The following EXT1 variants were observed in gnomAD, a reference collection of about 807,000 sequenced individuals.
EXT1 encodes the protein exostosin-1.
A neutral mutation model predicts 82.5 loss-of-function variants in EXT1; 20 were observed. The observed-to-expected ratio is 0.24, with a 90% confidence interval of 0.17 to 0.35. EXT1 has a LOEUF of 0.35. EXT1 is among the 10% of genes least tolerant of loss of function. The probability of loss-of-function intolerance (pLI) is 1.00; values close to 1 mark genes in which losing one functional copy is unlikely to be tolerated. For missense variants in EXT1, 757 were observed against 936.5 expected, an observed-to-expected ratio of 0.81 and a Z score of 2.50; for synonymous variants, 348 against 350.8, an observed-to-expected ratio of 0.99 and a Z score of 0.09.
intron 1 of EXT1, among the ~76,000 whole-genome samples, chr8:117,960,029 G>A (rs963234914): frequency 6.6e-6 from 1 of 152,088 alleles, no homozygotes; most frequent in Non-Finnish European, 1.5e-5. Context: ...TGACCAACAT[G>A]GTGAAAACCC....
chr8:117,843,700 A>G (rs139405418), intron 1 of EXT1, among the ~76,000 whole-genome samples: 2 of 152,242 alleles, frequency 1.3e-5, no homozygotes, highest in African/African-American at 4.8e-5. Flanking sequence ...CAGAAGAATG[A>G]CATGGTACCA....
At chr8:117,969,491 G>A (rs916185547) in intron 1 of EXT1, among the ~76,000 whole-genome samples, 4 of 152,176 alleles carry the variant, frequency 2.6e-5, no homozygotes, top group African/African-American at 9.7e-5. Flanking sequence ...TCCCAGAGAC[G>A]CAAATTCTCT....
At chr8:117,857,658 C>T (rs1248405202) in intron 1 of EXT1, among the ~76,000 whole-genome samples, 1 of 152,056 alleles carries the variant, frequency 6.6e-6, no homozygotes, top group Non-Finnish European at 1.5e-5. Flanking sequence ...TATGACAGCA[C>T]CACTGCACTC....
At position 118,111,030 on chromosome 8, in the gene EXT1, C is replaced by G. The variant is rs200815125; in HGVS notation, c.17G>C (p.Arg6Pro). The stretch of plus-strand genomic sequence containing the variant: ...GCCAGCTGAGAGCAGGATGAAATAG[C>G]GTTTTTTGGCCTGCATGTGTCCTGC... The part of the protein sequence containing the change: MQAKK[R>P]YFILLSAGSC... The change falls in exon 1 of 11, where the codon CGC becomes CCC. Residue 6 changes from arginine to proline, a missense_variant. By Grantham distance (103) the Arg-to-Pro change is moderately radical. This residue lies in a region of EXT1 where 175 missense variants were observed against 159.0 expected (regional missense o/e 1.10). Transcript: ENST00000378204. 6 of 1,598,248 alleles carry G rather than the reference C, an allele frequency of 3.8e-6. No individual in the cohort carries two copies. The highest frequency in any genetic ancestry group is 4.2e-6 in the Non-Finnish European group (5 of 1,178,278).
At position 117,887,860 on chromosome 8, in the gene EXT1, C is replaced by T. The variant is rs952146455; in HGVS notation, c.963-50659G>A. Among the ~76,000 whole-genome samples the T allele has an allele frequency of 6.6e-5, 10 of 151,766 alleles. No homozygotes were observed. In the South Asian group the frequency reaches 1.0e-3, roughly 16 times the overall value. ...CAGCACTTTGGGAGTCTGAGGCGGG[C>T]GTATCACCTGAGCTCGGGAGTTTGA... is the stretch of plus-strand genomic sequence containing the variant. On this transcript the variant is annotated intron_variant, in intron 1 of 10. Coordinates refer to ENST00000378204, the MANE Select transcript of EXT1 (RefSeq NM_000127.3).
chr8:118,014,760 C>T (rs530411797), intron 1 of EXT1, among the ~76,000 whole-genome samples: 46 of 152,176 alleles, frequency 3.0e-4, no homozygotes, highest in African/African-American at 1.0e-3. Context: ...CTAACAAACT[C>T]CTCGTGTGGT....
At chr8:117,839,075 G>A (rs952382140) in intron 1 of EXT1, among the ~76,000 whole-genome samples, 2 of 152,174 alleles carry the variant, frequency 1.3e-5, no homozygotes, top group Admixed American at 6.5e-5. Context: ...TCAAATGACA[G>A]TTATAGTGGG....
chr8:118,071,807 A>T (rs889202101), intron 1 of EXT1, among the ~76,000 whole-genome samples: 7 of 152,164 alleles, frequency 4.6e-5, no homozygotes, highest in African/African-American at 1.4e-4. Context: ...GAATATGATA[A>T]TGATATTGTT....
intron 1 of EXT1, among the ~76,000 whole-genome samples, chr8:117,900,732 T>G (rs1340225279): frequency 6.6e-6 from 1 of 152,240 alleles, no homozygotes; most frequent in Non-Finnish European, 1.5e-5. Context: ...CTAAGCCCTC[T>G]GCTCTCACAA....
At position 118,111,162 on chromosome 8, in the gene EXT1, C is replaced by T. The variant is rs1480531526; in HGVS notation, c.-116G>A. The T allele has an allele frequency of 7.1e-6, 10 of 1,411,338 alleles. No homozygotes were observed. Among genetic ancestry groups the T allele is most frequent in the East Asian group, 2.5e-5 (1 of 40,344 alleles). 87.4% of individuals were successfully genotyped at this position (1,411,338 alleles called of 1,614,324 possible). ...CCGCCTGTAAAGACTTCAAACTCTC[C>T]GCTCCCACCTTCTCTGGATGCCTTT... On this transcript the variant is annotated 5_prime_UTR_variant, in exon 1 of 11. Transcript: ENST00000378204.
intron 1 of EXT1, among the ~76,000 whole-genome samples, chr8:117,872,346 G>A (rs1415143859): frequency 6.6e-6 from 1 of 151,978 alleles, no homozygotes; most frequent in African/African-American, 2.4e-5. Context: ...GCCACAGCAG[G>A]TAACATTGTT....
At position 117,807,409 on chromosome 8, in the gene EXT1, C is replaced by G. The variant is rs373138810; in HGVS notation, c.1723-32G>C. On this transcript the variant is annotated intron_variant, in intron 8 of 10. Coordinates refer to ENST00000378204, the MANE Select transcript of EXT1 (RefSeq NM_000127.3). ...GCAGAACACAAGCCAAACAAGCAATCAACAGTGTTAACAAATGTCAACAAA... is the reference window on the plus strand; with the variant it reads ...GCAGAACACAAGCCAAACAAGCAATGAACAGTGTTAACAAATGTCAACAAA... 148 of 1,613,750 alleles carry G rather than the reference C, an allele frequency of 9.2e-5. No individual in the cohort carries two copies. In the African/African-American group the frequency reaches 1.7e-3, roughly 18 times the overall value.
At chr8:118,019,418 A>G (rs1816061832) in intron 1 of EXT1, among the ~76,000 whole-genome samples, 1 of 152,214 alleles carries the variant, frequency 6.6e-6, no homozygotes, top group African/African-American at 2.4e-5. Flanking sequence ...AGACAGGCAG[A>G]GAGAGAGAAT....
At chr8:118,013,821 CATT>C (rs1393586883) in intron 1 of EXT1, among the ~76,000 whole-genome samples, 1 of 152,168 alleles carries the variant, frequency 6.6e-6, no homozygotes, top group Non-Finnish European at 1.5e-5. Context: ...TTATACTAGT[CATT>C]ATTTATATGA....
chr8:117,801,250 G>A (rs1823162423), intron 10 of EXT1, among the ~76,000 whole-genome samples: 1 of 152,144 alleles, frequency 6.6e-6, no homozygotes. Context: ...ACCACAATCT[G>A]GTGAAGTATC....
intron 1 of EXT1, among the ~76,000 whole-genome samples, chr8:118,102,947 G>A (rs1286190597): frequency 6.6e-6 from 1 of 152,132 alleles, no homozygotes; most frequent in Non-Finnish European, 1.5e-5. Flanking sequence ...CGAAGGTCGG[G>A]AGTTCGAGAC....
intron 1 of EXT1, among the ~76,000 whole-genome samples, chr8:118,069,540 T>C (rs553800775): frequency 1.3e-5 from 2 of 152,208 alleles, no homozygotes; most frequent in East Asian, 3.9e-4. Context: ...AAAGTGTAAG[T>C]GGTAGGTAGC....
intron 1 of EXT1, among the ~76,000 whole-genome samples, chr8:117,864,431 C>T (rs1331505594): frequency 6.6e-6 from 1 of 152,278 alleles, no homozygotes; most frequent in East Asian, 1.9e-4. Flanking sequence ...AATACACTAA[C>T]ACTAATGATA....
chr8:118,020,074 T>G (rs1160353811), intron 1 of EXT1, among the ~76,000 whole-genome samples: 1 of 152,340 alleles, frequency 6.6e-6, no homozygotes, highest in East Asian at 1.9e-4. Flanking sequence ...TCCAATAACT[T>G]CAGAAGCAAC....
Sources: allele counts gnomAD v4.1 joint callset (sites outside exome capture counted in the v4.1 genomes callset), GRCh38; gene constraint gnomAD v4.1.1; regional missense constraint gnomAD v4.1.1; transcripts MANE v1.5; gene names NCBI Gene and HGNC (gene_info 2026-07-23, HGNC 2026-07-21).